The following DNAL1 variants were observed in gnomAD, a reference collection of about 807,000 sequenced individuals.
The protein encoded by DNAL1 is chromosome 14 open reading frame 168.
DNAL1 carries 17 observed loss-of-function variants against 29.4 expected under a neutral mutation model. The ratio of observed to expected loss-of-function variants is 0.58; its 90% CI spans 0.40 to 0.87. The LOEUF (loss-of-function observed/expected upper bound fraction) is 0.87, where lower values mean the gene tolerates loss of function less well. Ranked by LOEUF, DNAL1 falls within the 40% of genes least tolerant of loss-of-function variation. The pLI is 0.00. For synonymous variants in DNAL1, 78 were observed against 76.3 expected, an observed-to-expected ratio of 1.02 and a Z score of -0.12; for missense variants, 188 against 214.1, an observed-to-expected ratio of 0.88 and a Z score of 0.76.
intron 4 of DNAL1, among the ~76,000 whole-genome samples, chr14:73,668,434 A>G (rs1238098418): frequency 1.3e-5 from 2 of 152,196 alleles, no homozygotes; most frequent in African/African-American, 2.4e-5. Flanking sequence ...TTTCATATCA[A>G]GAAGCTTTAA....
At chr14:73,669,485 C>T (rs1891567593) in intron 4 of DNAL1, among the ~76,000 whole-genome samples, 1 of 152,150 alleles carries the variant, frequency 6.6e-6, no homozygotes, top group Non-Finnish European at 1.5e-5. Flanking sequence ...CCATGTTGGC[C>T]AGGATGGTCT....
intron 7 of DNAL1, among the ~76,000 whole-genome samples, chr14:73,694,237 T>TATAAATAAATAAATAAATAAATAA (rs56225198): frequency 5.5e-5 from 7 of 128,082 alleles, no homozygotes; most frequent in East Asian, 2.4e-4. Flanking sequence ...AAGCCCTGTC[T>TATAAATAAATAAATAAATAAATAA]ATAAATAAAT....
intron 1 of DNAL1, among the ~76,000 whole-genome samples, chr14:73,649,526 C>T (rs1255528526): frequency 6.6e-6 from 1 of 151,888 alleles, no homozygotes; most frequent in Non-Finnish European, 1.5e-5. Flanking sequence ...TCGTGATCCG[C>T]CCGCCTCAGC....
At chr14:73,662,300 A>T (rs1891374242) in intron 4 of DNAL1, among the ~76,000 whole-genome samples, 1 of 152,184 alleles carries the variant, frequency 6.6e-6, no homozygotes, top group East Asian at 1.9e-4. Context: ...TCAGATTTTT[A>T]ATTGTGTATT....
intron 2 of DNAL1, among the ~76,000 whole-genome samples, chr14:73,657,389 C>T (rs998739795): frequency 2.0e-5 from 3 of 152,156 alleles, no homozygotes; most frequent in African/African-American, 7.2e-5. Context: ...CTATGTTGCT[C>T]AGGCTGGTTT....
intron 1 of DNAL1, among the ~76,000 whole-genome samples, chr14:73,649,181 G>T (rs1050338895): frequency 2.6e-5 from 4 of 151,444 alleles, no homozygotes; most frequent in African/African-American, 4.9e-5. Flanking sequence ...TCCCCATGTT[G>T]ACCAGGCTGG....
chr14:73,702,301 G>C lies in DNAL1; in HGVS notation c.*6359G>C, dbSNP rs1892457418. ...ACTACAGGCGCACACCACCATGCTT[G>C]GCTAATTTTTGTATTTTTAGTAGAG... On this transcript the variant is annotated 3_prime_UTR_variant, in exon 8 of 8. Transcript: ENST00000553645. The C allele has an allele frequency of 6.6e-6, 1 of 151,998 alleles. No individual in the cohort carries two copies. 9.4% of individuals were successfully genotyped at this position (151,998 alleles called of 1,614,324 possible).
At chr14:73,695,258 A>G (rs1264251317) in intron 7 of DNAL1, among the ~76,000 whole-genome samples, 3 of 150,254 alleles carry the variant, frequency 2.0e-5, no homozygotes, top group East Asian at 2.0e-4. Context: ...GGGTCTTGCT[A>G]TGTTGCCCAG....
chr14:73,652,384 C>A (rs1566879275), intron 1 of DNAL1, among the ~76,000 whole-genome samples: 2 of 152,274 alleles, frequency 1.3e-5, no homozygotes, highest in East Asian at 1.9e-4. Flanking sequence ...ACCTCAGCCT[C>A]CAGAGTAGCT....
chr14:73,687,596 G>C (rs1028490037), intron 6 of DNAL1, among the ~76,000 whole-genome samples: 2 of 152,210 alleles, frequency 1.3e-5, no homozygotes, highest in Non-Finnish European at 2.9e-5. Flanking sequence ...GGATGGACCG[G>C]GCGCGGTGGC....
intron 5 of DNAL1, 26 bp downstream of exon 5, chr14:73,671,623 A>G (rs1891617865): frequency 7.1e-7 from 1 of 1,410,272 alleles, no homozygotes; most frequent in Admixed American, 3.0e-5. Context: ...TTATTATTTT[A>G]TTTATTTAAT....
intron 5 of DNAL1, among the ~76,000 whole-genome samples, chr14:73,674,083 T>C (rs187436972): frequency 3.5e-4 from 53 of 152,246 alleles, no homozygotes; most frequent in Non-Finnish European, 5.0e-4. Flanking sequence ...GGGGTTGATT[T>C]ATAACTATTC....
chr14:73,651,686 T>C (rs1270998933), intron 1 of DNAL1, among the ~76,000 whole-genome samples: 2 of 152,242 alleles, frequency 1.3e-5, no homozygotes, highest in Non-Finnish European at 2.9e-5. Context: ...GACAAGAGTC[T>C]TGCTCTGCTG....
intron 5 of DNAL1, 73 bp downstream of exon 5, chr14:73,671,670 C>G: frequency 7.6e-7 from 1 of 1,317,960 alleles, no homozygotes; most frequent in Non-Finnish European, 9.9e-7. Flanking sequence ...GGATAAATTC[C>G]TTGAAATGGA....
At chr14:73,693,025 G>A (rs1009072083) in intron 7 of DNAL1, among the ~76,000 whole-genome samples, 3 of 152,044 alleles carry the variant, frequency 2.0e-5, no homozygotes, top group Admixed American at 2.0e-4. Flanking sequence ...TAGTAGAGAT[G>A]GGGTCTTATC....
At position 73,668,231 on chromosome 14, in the gene DNAL1, C is replaced by A. The variant is rs1027644592; in HGVS notation, c.209-3311C>A. Among the ~76,000 whole-genome samples, 3 of 147,592 alleles carry A rather than the reference C, an allele frequency of 2.0e-5. No homozygotes were observed. The Admixed American group carries it at 2.1e-4, about 10-fold the overall frequency. On this transcript the variant is annotated intron_variant, in intron 4 of 7. Coordinates refer to ENST00000553645, the MANE Select transcript of DNAL1 (RefSeq NM_031427.4). The stretch of plus-strand genomic sequence containing the variant: ...CATTTTTCACTATCTAATATACTTA[C>A]TTATTTTGTTTATCTGCCAAATGTT...
At chr14:73,647,618 CT>C (rs1009194376) in intron 1 of DNAL1, among the ~76,000 whole-genome samples, 1 of 152,134 alleles carries the variant, frequency 6.6e-6, no homozygotes, top group Non-Finnish European at 1.5e-5. Flanking sequence ...AGGTTATCTT[CT>C]TTACACTAGT....
rs73297422 is a variant in DNAL1, at chr14:73,689,542, A to G, written c.532+27A>G. The G allele has an allele frequency of 0.025, 40,259 of 1,580,146 alleles. 2,480 individuals carry two copies. The highest frequency in any genetic ancestry group is 0.24 in the African/African-American group (17,794 of 74,236). Reference sequence around the variant, plus strand: ...TGAGTGATTCTGAGCTGGCTTAGACATATCTTCTAGGCATAAAAATGGAAT... The same window carrying G: ...TGAGTGATTCTGAGCTGGCTTAGACGTATCTTCTAGGCATAAAAATGGAAT... On this transcript the variant is annotated intron_variant, in intron 7 of 7. Coordinates refer to ENST00000553645, the MANE Select transcript of DNAL1 (RefSeq NM_031427.4).
At chr14:73,686,190 T>A (rs1469894409) in intron 5 of DNAL1, among the ~76,000 whole-genome samples, 4 of 152,064 alleles carry the variant, frequency 2.6e-5, no homozygotes, top group African/African-American at 9.7e-5. Context: ...TTTTACAGAG[T>A]AAGAAACTGA....
Sources: gnomAD v4.1 joint callset for allele counts (sites outside exome capture counted in the v4.1 genomes callset) on GRCh38, gnomAD v4.1.1 for gene constraint, MANE v1.5 for transcripts, NCBI Gene and HGNC (gene_info 2026-07-23, HGNC 2026-07-21) for gene names.